MMP24: variants seen among roughly 807,000 people sequenced by gnomAD.
The protein encoded by MMP24 is matrix metallopeptidase 24, also known as matrix metalloproteinase-24.
A neutral mutation model predicts 62.8 loss-of-function variants in MMP24; 25 were observed. The ratio of observed to expected loss-of-function variants is 0.40; its 90% CI spans 0.29 to 0.56. MMP24 has a LOEUF of 0.56. MMP24 is among the 20% of genes least tolerant of loss of function. The probability of loss-of-function intolerance (pLI) is 0.50; values close to 1 mark genes in which losing one functional copy is unlikely to be tolerated. For synonymous variants in MMP24, 319 were observed against 350.5 expected (o/e 0.91, Z 1.00); for missense variants, 634 against 853.6 (o/e 0.74, Z 3.21).
chr20:35,251,362 T>A (rs2060545912), intron 2 of MMP24, among the ~76,000 whole-genome samples: 1 of 152,060 alleles, frequency 6.6e-6, no homozygotes, highest in Admixed American at 6.6e-5. Context: ...TGACCTCAGA[T>A]AATCCACCCG....
chr20:35,266,351 CA>C lies in MMP24; in HGVS notation c.980-830del, dbSNP rs3055615. Among the ~76,000 whole-genome samples the C allele has an allele frequency of 7.5e-3, 426 of 56,608 alleles. 2 individuals carry two copies. Among genetic ancestry groups the C allele is most frequent in the East Asian group, 0.02 (36 of 1,760 alleles). The allele number at this position is 56,608 out of a possible 152,430, so 37.1% of individuals were successfully genotyped here. ...TGGGGGACGGAGCGAGACTCCTTCT[CA>C]AAAAAAAAAAAAAAAAAAAAAAAGT... is the stretch of plus-strand genomic sequence containing the variant. On this transcript the variant is annotated intron_variant, in intron 5 of 8. Transcript: ENST00000246186.
intron 1 of MMP24, 38 bp downstream of exon 1, chr20:35,227,022 G>T (rs2060416691): frequency 1.0e-6 from 1 of 979,976 alleles, no homozygotes; most frequent in Non-Finnish European, 1.2e-6. Flanking sequence ...CGGGCTCGGG[G>T]CATCCGGGCA....
chr20:35,242,935 TG>T (rs2060496246), intron 1 of MMP24, among the ~76,000 whole-genome samples: 1 of 152,156 alleles, frequency 6.6e-6, no homozygotes, highest in Non-Finnish European at 1.5e-5. Context: ...CCCAGCACTT[TG>T]GGAGGCCAAG....
intron 5 of MMP24, among the ~76,000 whole-genome samples, chr20:35,265,050 A>G (rs1013207942): frequency 3.9e-5 from 6 of 152,200 alleles, no homozygotes; most frequent in Non-Finnish European, 7.3e-5. Context: ...GGGTCCCAGA[A>G]GCTATTCCAA....
chr20:35,240,451 G>A (rs2146205720), intron 1 of MMP24, among the ~76,000 whole-genome samples: 1 of 152,136 alleles, frequency 6.6e-6, no homozygotes, highest in East Asian at 1.9e-4. Flanking sequence ...CTTAAGAGTT[G>A]GTTAACTGAG....
intron 2 of MMP24, among the ~76,000 whole-genome samples, chr20:35,249,452 T>A (rs1041044632): frequency 7.9e-5 from 12 of 152,264 alleles, no homozygotes; most frequent in African/African-American, 2.4e-4. Context: ...AGCTCCAGGC[T>A]TTGTTAAATT....
chr20:35,241,672 A>G (rs2060488988), intron 1 of MMP24, among the ~76,000 whole-genome samples: 1 of 152,204 alleles, frequency 6.6e-6, no homozygotes, highest in Non-Finnish European at 1.5e-5. Context: ...AGTATCCCAG[A>G]AAACGAGCTG....
At chr20:35,257,001 A>T (rs1036220472) in intron 4 of MMP24, among the ~76,000 whole-genome samples, 1 of 152,150 alleles carries the variant, frequency 6.6e-6, no homozygotes. Context: ...CAAGCTTGGG[A>T]AACACCGAGC....
chr20:35,262,531 C>T (rs2060609316), intron 4 of MMP24, among the ~76,000 whole-genome samples: 1 of 151,454 alleles, frequency 6.6e-6, no homozygotes, highest in African/African-American at 2.5e-5. Flanking sequence ...TTCCCTATCT[C>T]AGTAGATGGA....
chr20:35,240,735 A>C (rs2060484969), intron 1 of MMP24, among the ~76,000 whole-genome samples: 1 of 152,224 alleles, frequency 6.6e-6, no homozygotes, highest in South Asian at 2.1e-4. Flanking sequence ...AATCTTCCCA[A>C]GATGAAGTCC....
intron 1 of MMP24, among the ~76,000 whole-genome samples, chr20:35,241,439 T>G (rs1442373855): frequency 6.6e-6 from 1 of 152,008 alleles, no homozygotes; most frequent in Non-Finnish European, 1.5e-5. Flanking sequence ...GCTCTGAGGA[T>G]TGTCCCCAGA....
Position 35,269,194 on chromosome 20 carries a change from T to C in MMP24, c.1195-566T>C, listed in dbSNP as rs1230481110. On this transcript the variant is annotated intron_variant, in intron 6 of 8. Transcript: ENST00000246186. The surrounding 1 kb of genome is among the most constrained non-coding windows in gnomAD (Gnocchi z 4.6). Reference sequence around the variant, plus strand: ...ATGGACTGTGTGCCCCGTACTGGTCTGGGCATTTTGCCTAGAATCTCTCAT... The same window carrying C: ...ATGGACTGTGTGCCCCGTACTGGTCCGGGCATTTTGCCTAGAATCTCTCAT... 6.6e-6 allele frequency among the ~76,000 whole-genome samples: 1 copy of C among 152,246 alleles called. No individual in the cohort carries two copies. Among genetic ancestry groups the C allele is most frequent in the Admixed American group, 6.5e-5 (1 of 15,288 alleles).
At position 35,254,478 on chromosome 20, in the gene MMP24, G is replaced by A; in HGVS notation, c.541G>A (p.Glu181Lys). The change falls in exon 4 of 9, where the codon GAG (glutamate) becomes AAG (lysine). Residue 181 changes from glutamate to lysine, a missense_variant. Transcript: ENST00000246186. Reference protein sequence around the residue: ...SIHNYTPKVGELDTRKAIRQA... With the variant: ...SIHNYTPKVGKLDTRKAIRQA... ...TCACAACTATACCCCAAAAGTGGGT[G>A]AGCTAGACACGCGGAAAGCTATTCG... 6.2e-7 allele frequency: 1 copy of A among 1,614,016 alleles called. No individual in the cohort carries two copies. The highest frequency in any genetic ancestry group is 8.5e-7 in the Non-Finnish European group (1 of 1,179,890).
At position 35,226,787 on chromosome 20, in the gene MMP24, C is replaced by G; in HGVS notation, c.49C>G (p.Pro17Ala). 2 of 818,370 alleles carry G rather than the reference C, an allele frequency of 2.4e-6. No individual in the cohort carries two copies. Among genetic ancestry groups the G allele is most frequent in the Non-Finnish European group, 2.7e-6 (2 of 747,034 alleles). The allele number at this position is 818,370 out of a possible 1,614,324, so 50.7% of individuals were successfully genotyped here. A position where few individuals can be genotyped will look rare whatever the true frequency, so the allele number is the denominator to read the frequency against. Residue 17 changes from proline (P) to alanine (A), a missense_variant, in exon 1 of 9, where the codon CCG becomes GCG. Pro to Ala is a conservative substitution (Grantham distance 27). Coordinates refer to ENST00000246186, the MANE Select transcript of MMP24 (RefSeq NM_006690.4). ...GRAAPGPPPP[P>A]PPPGQAPRWS... is the part of the protein sequence containing the mutation. The stretch of plus-strand genomic sequence containing the variant: ...CGCCGCGCCGGGGCCGCCGCCGCCG[C>G]CGCCGCCGCCGGGCCAGGCCCCGCG...
rs558796570 is a variant in MMP24 at position 35,274,478 on chromosome 20, G to A, written c.1807G>A (p.Val603Met). The A allele has an allele frequency of 2.1e-5, 34 of 1,614,044 alleles. No homozygotes were observed. Among genetic ancestry groups the A allele is most frequent in the African/African-American group, 2.7e-5 (2 of 75,050 alleles). Residue 603 changes from valine (V) to methionine (M), a missense_variant, in exon 9 of 9, where the codon GTG becomes ATG. This residue lies in a region of MMP24 where 399 missense variants were observed against 530.8 expected (regional missense o/e 0.75). Coordinates refer to ENST00000246186, the MANE Select transcript of MMP24 (RefSeq NM_006690.4). This position sits in a 1 kb window ranked among gnomAD's most constrained non-coding sequence, Gnocchi z 5.1. The stretch of plus-strand genomic sequence containing the variant: ...CGATGTGCCGGGCTCCGTGAACGCC[G>A]TGGCCGTGGTCATCCCCTGCATCCT... ...INDVPGSVNA[V>M]AVVIPCILSL...
chr20:35,231,401 C>T (rs935411193), intron 1 of MMP24, among the ~76,000 whole-genome samples: 2 of 152,122 alleles, frequency 1.3e-5, no homozygotes, highest in Admixed American at 1.3e-4. Flanking sequence ...ATTCCCAAAT[C>T]AAAATATTCT....
At chr20:35,238,776 C>T (rs1265173224) in intron 1 of MMP24, among the ~76,000 whole-genome samples, 1 of 152,220 alleles carries the variant, frequency 6.6e-6, no homozygotes, top group Non-Finnish European at 1.5e-5. Context: ...GATCACCCTC[C>T]ATAAATAGCT....
chr20:35,227,010 C>T (rs1235690063), intron 1 of MMP24, 26 bp downstream of exon 1: 40 of 979,472 alleles, frequency 4.1e-5, no homozygotes, highest in South Asian at 9.1e-5. Context: ...GGGGCCGGGG[C>T]GCGGGCTCGG....
intron 1 of MMP24, among the ~76,000 whole-genome samples, chr20:35,235,516 T>G (rs993978466): frequency 1.3e-5 from 2 of 151,756 alleles, no homozygotes; most frequent in African/African-American, 4.8e-5. Flanking sequence ...GCCAATAGGG[T>G]GAAACCCTGT....
Sources: gnomAD v4.1 joint callset for allele counts (sites outside exome capture counted in the v4.1 genomes callset) on GRCh38, gnomAD v4.1.1 for gene constraint, gnomAD v4.1.1 regional missense constraint, Gnocchi (gnomAD v3.1) non-coding constraint, MANE v1.5 for transcripts, NCBI Gene and HGNC (gene_info 2026-07-23, HGNC 2026-07-21) for gene names.